The following DYNC1H1 variants were observed in gnomAD, a reference collection of about 807,000 sequenced individuals.
The protein encoded by DYNC1H1 is cytoplasmic dynein 1 heavy chain 1.
Under a neutral mutation model 527.1 loss-of-function variants are expected in DYNC1H1, and 51 were observed. The ratio of observed to expected loss-of-function variants is 0.10; its 90% CI spans 0.08 to 0.12. DYNC1H1 has a LOEUF of 0.12. Among genes scored for constraint, DYNC1H1 ranks in the 10% least tolerant of loss-of-function variants. The probability of loss-of-function intolerance (pLI) is 1.00; values close to 1 mark genes in which losing one functional copy is unlikely to be tolerated. For missense variants in DYNC1H1, 2,771 were observed against 5,971.8 expected (o/e 0.46, Z 17.66); for synonymous variants, 2,189 against 2,278.8 (o/e 0.96, Z 1.12).
At chr14:102,006,962 C>T (rs1334159318) in intron 27 of DYNC1H1, 46 bp from the exon 28 acceptor site, 1 of 1,585,838 alleles carries the variant, frequency 6.3e-7, no homozygotes, top group Non-Finnish European at 8.7e-7. Flanking sequence ...GATATGTTTT[C>T]AGTTAGGTAA....
intron 4 of DYNC1H1, 96 bp from the exon 5 acceptor site, chr14:101,980,268 A>G (rs775719123): frequency 1.9e-5 from 28 of 1,459,754 alleles, no homozygotes; most frequent in South Asian, 3.5e-5. Context: ...TACTTGAAAT[A>G]TAAAAATTGA....
chr14:102,021,656 CTTT>C (rs757880988), intron 42 of DYNC1H1, among the ~76,000 whole-genome samples: 10 of 119,824 alleles, frequency 8.3e-5, no homozygotes, highest in East Asian at 2.4e-4. Context: ...TTTTCTTTTT[CTTT>C]TTTTTTTTTT....
rs768257605 is a variant in DYNC1H1, at chr14:102,012,988, G to T, written c.7014+518G>T. The T allele has an allele frequency of 5.5e-6, 1 of 183,064 alleles. No individual in the cohort carries two copies. Among genetic ancestry groups the T allele is most frequent in the East Asian group, 1.4e-4 (1 of 7,306 alleles). The allele number at this position is 183,064 out of a possible 1,614,324, so 11.3% of individuals were successfully genotyped here. On this transcript the variant is annotated intron_variant, in intron 34 of 77. Transcript: ENST00000360184. This position sits in a 1 kb window ranked among gnomAD's most constrained non-coding sequence, Gnocchi z 4.9. Reference sequence around the variant, plus strand: ...AGACAGGCCGGGCGCGGTGGCTCACGCCTGTAATCCCAGCACTTTGGGAGG... The same window carrying T: ...AGACAGGCCGGGCGCGGTGGCTCACTCCTGTAATCCCAGCACTTTGGGAGG...
chr14:102,001,204 G>A lies in DYNC1H1; in HGVS notation c.4245G>A (p.Gln1415=). 6.2e-7 allele frequency: 1 copy of A among 1,614,204 alleles called. No individual in the cohort carries two copies. The change falls in exon 20 of 78, where the codon CAG becomes CAA. Residue 1415 remains glutamine, a synonymous_variant. Coordinates refer to ENST00000360184, the MANE Select transcript of DYNC1H1 (RefSeq NM_001376.5). This position sits in a 1 kb window ranked among gnomAD's most constrained non-coding sequence, Gnocchi z 5.0. ...CACTTAAAGACCGCCATTGGAAACAGCTCATGAAAAGGCTTCACGTTAATT... is the reference window on the plus strand; with the variant it reads ...CACTTAAAGACCGCCATTGGAAACAACTCATGAAAAGGCTTCACGTTAATT... ...SEALKDRHWK[Q]LMKRLHVNWV... is the part of the protein sequence containing the mutation.
At position 102,018,496 on chromosome 14, in the gene DYNC1H1, C is replaced by T. The variant is rs149018711; in HGVS notation, c.8223C>T (p.Pro2741=). Residue 2741 remains proline (P), a synonymous_variant, in exon 41 of 78, where the codon CCC becomes CCT. Transcript: ENST00000360184. This position sits in a 1 kb window ranked among gnomAD's most constrained non-coding sequence, Gnocchi z 5.2. ...VPVVYVDYPG[P]ASLTQIYGTF... is the part of the protein sequence containing the mutation. ...TCGTGTATGTGGATTACCCGGGCCC[C>T]GCCTCCCTCACACAGATCTACGGCA... 39 of 1,613,874 alleles carry T rather than the reference C, an allele frequency of 2.4e-5. No individual in the cohort carries two copies. The African/African-American group carries it at 3.7e-4, about 15-fold the overall frequency.
chr14:102,048,360 C>T, intron 73 of DYNC1H1, 156 bp from the exon 74 acceptor site: 2 of 1,051,504 alleles, frequency 1.9e-6, no homozygotes, highest in East Asian at 2.6e-5. Flanking sequence ...TTCACACAAG[C>T]TCGGTTCCAA....
At position 102,036,827 on chromosome 14, in the gene DYNC1H1, C is replaced by T. The variant is rs995166834; in HGVS notation, c.10908+185C>T. On this transcript the variant is annotated intron_variant, in intron 57 of 77. Transcript: ENST00000360184. The surrounding 1 kb of genome is among the most constrained non-coding windows in gnomAD (Gnocchi z 5.6). The stretch of plus-strand genomic sequence containing the variant: ...TGCATTTAAAATTCTATTCAGTGGT[C>T]GGGCGAGGTGGCTCACACCTGTAAT... 12 of 804,632 alleles carry T rather than the reference C, an allele frequency of 1.5e-5. No individual in the cohort carries two copies. The highest frequency in any genetic ancestry group is 9.2e-5 in the South Asian group (6 of 65,400). The allele number at this position is 804,632 out of a possible 1,614,324, so 49.8% of individuals were successfully genotyped here. A position where few individuals can be genotyped will look rare whatever the true frequency, so the allele number is the denominator to read the frequency against.
Position 101,979,688 on chromosome 14 carries a change from C to G in DYNC1H1, c.519-31C>G. 1 of 1,613,332 alleles carries G rather than the reference C, an allele frequency of 6.2e-7. No individual in the cohort carries two copies. Among genetic ancestry groups the G allele is most frequent in the Non-Finnish European group, 8.5e-7 (1 of 1,180,020 alleles). ...GATCTCTTTGGAGACCAATAGCACA[C>G]TAAATGTTGAGGTATGAAATCTGTT... On this transcript the variant is annotated intron_variant, in intron 3 of 77. Coordinates refer to ENST00000360184, the MANE Select transcript of DYNC1H1 (RefSeq NM_001376.5). The surrounding 1 kb of genome is among the most constrained non-coding windows in gnomAD (Gnocchi z 4.6).
In DYNC1H1 at chr14:102,010,030, C is replaced by T; in HGVS notation, c.6165C>T (p.Tyr2055=). 1 of 1,614,096 alleles carries T rather than the reference C, an allele frequency of 6.2e-7. No individual in the cohort carries two copies. The change falls in exon 30 of 78, where the codon TAC becomes TAT. Residue 2055 remains tyrosine, a synonymous_variant. Coordinates refer to ENST00000360184, the MANE Select transcript of DYNC1H1 (RefSeq NM_001376.5). The surrounding 1 kb of genome is among the most constrained non-coding windows in gnomAD (Gnocchi z 6.0). ...DRQLIAQVML[Y]SQGFRTAEVL... ...AGTTAATCGCCCAGGTCATGCTGTA[C>T]TCACAGGGTTTCCGCACTGCTGAAG... is the stretch of plus-strand genomic sequence containing the variant.
At position 102,016,615 on chromosome 14, in the gene DYNC1H1, T is replaced by G; in HGVS notation, c.7614+126T>G. ...TATTCCATTTCATAGAAGGACTTTA[T>G]CCTTTTAGTTCCATGTGTTAGCAAA... is the stretch of plus-strand genomic sequence containing the variant. On this transcript the variant is annotated intron_variant, in intron 37 of 77. Coordinates refer to ENST00000360184, the MANE Select transcript of DYNC1H1 (RefSeq NM_001376.5). The surrounding 1 kb of genome is among the most constrained non-coding windows in gnomAD (Gnocchi z 7.3). 2 of 1,570,576 alleles carry G rather than the reference T, an allele frequency of 1.3e-6. No individual in the cohort carries two copies. Among genetic ancestry groups the G allele is most frequent in the Non-Finnish European group, 1.7e-6 (2 of 1,146,564 alleles).
rs1278877639 is a variant in DYNC1H1 at position 102,008,328 on chromosome 14, TACG to T, written c.5971_5973del (p.Asp1991del). On this transcript the variant is annotated inframe_deletion, in exon 29 of 78. Coordinates refer to ENST00000360184, the MANE Select transcript of DYNC1H1 (RefSeq NM_001376.5). The stretch of plus-strand genomic sequence containing the variant: ...ACTGCGTGAACATTCCAACCCCAAC[TACG>T]ACAAGAGTAAGACACCTCTTCTTCA... The T allele has an allele frequency of 7.4e-6, 12 of 1,614,048 alleles. No individual in the cohort carries two copies. The highest frequency in any genetic ancestry group is 9.3e-6 in the Non-Finnish European group (11 of 1,180,036).
Position 102,010,006 on chromosome 14 carries a change from G to A in DYNC1H1, c.6141G>A (p.Gln2047=). 1 of 1,614,114 alleles carries A rather than the reference G, an allele frequency of 6.2e-7. No homozygotes were observed. Among genetic ancestry groups the A allele is most frequent in the South Asian group, 1.1e-5 (1 of 91,082 alleles). ...TGGCCATGACCAAGCCCGACCGGCAGTTAATCGCCCAGGTCATGCTGTACT... is the reference window on the plus strand; with the variant it reads ...TGGCCATGACCAAGCCCGACCGGCAATTAATCGCCCAGGTCATGCTGTACT... ...RSLAMTKPDR[Q]LIAQVMLYSQ... Residue 2047 remains glutamine, a synonymous_variant, in exon 30 of 78, where the codon CAG becomes CAA. Transcript: ENST00000360184. The surrounding 1 kb of genome is among the most constrained non-coding windows in gnomAD (Gnocchi z 6.0).
intron 1 of DYNC1H1, among the ~76,000 whole-genome samples, chr14:101,971,463 A>T (rs867938754): frequency 6.6e-6 from 1 of 151,754 alleles, no homozygotes; most frequent in Non-Finnish European, 1.5e-5. Flanking sequence ...GCAGTGGCTC[A>T]CGCCTGTAAT....
intron 11 of DYNC1H1, among the ~76,000 whole-genome samples, chr14:101,992,164 C>G (rs1014597049): frequency 2.0e-5 from 3 of 152,158 alleles, no homozygotes; most frequent in Admixed American, 6.5e-5. Flanking sequence ...CATTTAGTCC[C>G]CAGTGTCACT....
chr14:101,985,619 C>T lies in DYNC1H1; in HGVS notation c.1462-68C>T, dbSNP rs570543190. 1.9e-4 allele frequency: 301 copies of T among 1,577,100 alleles called. 4 individuals carry two copies. In the South Asian group the frequency reaches 3.0e-3, roughly 16 times the overall value. The stretch of plus-strand genomic sequence containing the variant: ...GATTACAGGTGTGAGCCACTGCACC[C>T]GGCTTAAAATAAATTTTAAAGCCTT... On this transcript the variant is annotated intron_variant, in intron 7 of 77. Transcript: ENST00000360184. The surrounding 1 kb of genome is among the most constrained non-coding windows in gnomAD (Gnocchi z 5.9).
In DYNC1H1 at chr14:102,055,197, A is replaced by G. The variant is rs1190613; in HGVS notation, c.*4634A>G. 0.37 allele frequency: 55,952 copies of G among 151,732 alleles called. 13,818 individuals carry two copies. Among genetic ancestry groups the G allele is most frequent in the African/African-American group, 0.71 (29,460 of 41,300 alleles). 9.4% of individuals were successfully genotyped at this position (151,732 alleles called of 1,614,324 possible). On this transcript the variant is annotated 3_prime_UTR_variant, in exon 78 of 78. Transcript: ENST00000360184. ...GCTTTCTGACCTCAGAATCCCAGCT[A>G]TCTTCTGGACTCAGGTGACAAGTCA...
At chr14:102,024,687 T>A (rs113473875) in intron 43 of DYNC1H1, among the ~76,000 whole-genome samples, 1 of 124,498 alleles carries the variant, frequency 8.0e-6, no homozygotes, top group Admixed American at 8.2e-5. Flanking sequence ...CTTTTTTTTT[T>A]AACTCTTTTT....
intron 72 of DYNC1H1, 92 bp from the exon 73 acceptor site, chr14:102,047,725 A>G (rs2048745774): frequency 2.6e-6 from 4 of 1,518,698 alleles, no homozygotes; most frequent in Middle Eastern, 2.1e-4. Flanking sequence ...CTCACTCACC[A>G]TGTGGCCTTT....
rs1258340230 is a variant in DYNC1H1 at position 102,036,832 on chromosome 14, G to A, written c.10908+190G>A. On this transcript the variant is annotated intron_variant, in intron 57 of 77. Transcript: ENST00000360184. This position sits in a 1 kb window ranked among gnomAD's most constrained non-coding sequence, Gnocchi z 5.6. The stretch of plus-strand genomic sequence containing the variant: ...TTAAAATTCTATTCAGTGGTCGGGC[G>A]AGGTGGCTCACACCTGTAATCTCAG... 6 of 749,058 alleles carry A rather than the reference G, an allele frequency of 8.0e-6. No homozygotes were observed. The highest frequency in any genetic ancestry group is 3.5e-5 in the African/African-American group (2 of 56,956). 46.4% of individuals were successfully genotyped at this position (749,058 alleles called of 1,614,324 possible).
Sources: allele counts gnomAD v4.1 joint callset (sites outside exome capture counted in the v4.1 genomes callset), GRCh38; gene constraint gnomAD v4.1.1; non-coding constraint Gnocchi (gnomAD v3.1); transcripts MANE v1.5; gene names NCBI Gene and HGNC (gene_info 2026-07-23, HGNC 2026-07-21).